ZFHX3: variants seen among roughly 807,000 people sequenced by gnomAD.
ZFHX3 encodes the protein zinc finger homeobox protein 3.
In ZFHX3, 42 loss-of-function variants were observed where a neutral mutation model predicts 279.1. That is an observed-to-expected ratio of 0.15 (90% CI 0.12 to 0.19). ZFHX3 has a LOEUF of 0.19. Ranked by LOEUF, ZFHX3 falls within the 10% of genes least tolerant of loss-of-function variation. The pLI is 1.00. For missense variants in ZFHX3, 4,981 were observed against 4,754.0 expected, an observed-to-expected ratio of 1.05 and a Z score of -1.40; for synonymous variants, 2,293 against 1,957.8, an observed-to-expected ratio of 1.17 and a Z score of -4.52.
rs2036451404 is a variant in ZFHX3, at chr16:72,811,634, C to T, written c.3807G>A (p.Leu1269=). The change falls in exon 7 of 10, where the codon CTG becomes CTA. Residue 1269 remains leucine, a synonymous_variant. Transcript: ENST00000268489. ...DMLNNKIHLQ[L]HLTHLHSVAP... is the part of the protein sequence containing the mutation. ...CCACGCTGTGGAGGTGGGTGAGGTGCAGCTGGAGGTGGATCTTGTTGTTGA... is the reference window on the plus strand; with the variant it reads ...CCACGCTGTGGAGGTGGGTGAGGTGTAGCTGGAGGTGGATCTTGTTGTTGA... 3 of 1,612,612 alleles carry T rather than the reference C, an allele frequency of 1.9e-6. No homozygotes were observed. In the South Asian group the frequency reaches 3.3e-5, roughly 18 times the overall value.
chr16:73,044,944 GCTCA>G (rs943832906), intron 1 of ZFHX3, among the ~76,000 whole-genome samples: 3 of 152,164 alleles, frequency 2.0e-5, no homozygotes, highest in African/African-American at 7.2e-5. Context: ...TATAAAGACA[GCTCA>G]CTTTCTTCCC....
chr16:73,611,761 G>A (rs1193689704), intron 2 of ZFHX3, among the ~76,000 whole-genome samples: 1 of 152,042 alleles, frequency 6.6e-6, no homozygotes, highest in African/African-American at 2.4e-5. Context: ...AACACTTAAA[G>A]CCAATTTAAT....
chr16:73,832,003 G>A lies in ZFHX3; in HGVS notation c.-1608+59648C>T, dbSNP rs538192392. ...GCAACCTCTGCCGCCCGGGTTCCAG[G>A]GATTCTCTTGCCTCAGCCTCCCGAG... is the stretch of plus-strand genomic sequence containing the variant. On this transcript the variant is annotated intron_variant, in intron 1 of 17. Coordinates refer to the ZFHX3 transcript ENST00000641206. Among the ~76,000 whole-genome samples the A allele has an allele frequency of 2.0e-5, 3 of 152,214 alleles. No individual in the cohort carries two copies. In the South Asian group the frequency reaches 6.2e-4, roughly 32 times the overall value.
At chr16:73,789,535 G>A (rs1211892090) in intron 1 of ZFHX3, among the ~76,000 whole-genome samples, 2 of 152,082 alleles carry the variant, frequency 1.3e-5, no homozygotes, top group Non-Finnish European at 2.9e-5. Flanking sequence ...TAATCTGTAG[G>A]TTCAAAACAC....
At chr16:73,049,322 T>C, upstream of ZFHX3, among the ~76,000 whole-genome samples, 1 of 152,252 alleles carries the variant, frequency 6.6e-6, no homozygotes, top group African/African-American at 2.4e-5. Context: ...GGAGAGTCTT[T>C]TCCTCGGGCA....
At chr16:73,126,248 C>T (rs1017030195) in intron 7 of ZFHX3, among the ~76,000 whole-genome samples, 1 of 152,052 alleles carries the variant, frequency 6.6e-6, no homozygotes, top group African/African-American at 2.4e-5. Context: ...GAAATTTATC[C>T]GTGTGCAAGG....
At chr16:73,637,292 G>T (rs1458215975) in intron 2 of ZFHX3, among the ~76,000 whole-genome samples, 1 of 150,196 alleles carries the variant, frequency 6.7e-6, no homozygotes, top group African/African-American at 2.5e-5. Flanking sequence ...AGTACAACGG[G>T]GTGATCTTGG....
Position 73,595,977 on chromosome 16 carries a change from TTTTTATTTTATTTTA to T in ZFHX3, c.-1547+84188_-1547+84202del, listed in dbSNP as rs61219527. Among the ~76,000 whole-genome samples, 277 of 135,478 alleles carry T rather than the reference TTTTTATTTTATTTTA, an allele frequency of 2.0e-3. 1 individual carries two copies. Among genetic ancestry groups the T allele is most frequent in the South Asian group, 8.2e-3 (32 of 3,924 alleles). The allele number at this position is 135,478 out of a possible 152,430, so 88.9% of individuals were successfully genotyped here. On this transcript the variant is annotated intron_variant, in intron 2 of 17. Coordinates refer to the ZFHX3 transcript ENST00000641206. ...TGTTTTCTCTCTCCCGACCATTACT[TTTTTATTTTATTTTA>T]TTTTATTTTATTTTATTTTATTTTA...
chr16:72,845,413 A>G (rs947917174), intron 4 of ZFHX3, among the ~76,000 whole-genome samples: 1 of 152,190 alleles, frequency 6.6e-6, no homozygotes, highest in Non-Finnish European at 1.5e-5. Context: ...GAAAGGCTCC[A>G]TAATGAAGTC....
intron 3 of ZFHX3, among the ~76,000 whole-genome samples, chr16:73,380,363 A>G (rs1033910921): frequency 6.6e-5 from 10 of 152,246 alleles, no homozygotes; most frequent in African/African-American, 2.4e-4. Context: ...GATTTTTTAA[A>G]GAGCTCAGTA....
intron 1 of ZFHX3, among the ~76,000 whole-genome samples, chr16:72,972,583 C>A (rs1029747526): frequency 6.6e-6 from 1 of 152,178 alleles, no homozygotes; most frequent in South Asian, 2.1e-4. Context: ...CAGCCCAGAG[C>A]ACAAGACTAG....
chr16:73,769,175 C>T (rs1420489912), intron 1 of ZFHX3, among the ~76,000 whole-genome samples: 1 of 152,074 alleles, frequency 6.6e-6, no homozygotes, highest in African/African-American at 2.4e-5. Context: ...GAATCTAAGA[C>T]CCATAGACAG....
chr16:72,859,747 C>A (rs1047769829), intron 4 of ZFHX3, among the ~76,000 whole-genome samples: 1 of 152,080 alleles, frequency 6.6e-6, no homozygotes, highest in African/African-American at 2.4e-5. Context: ...GGGGAGAATG[C>A]GGCAGGACAT....
chr16:73,004,184 T>TTTTTTTTTTG (rs1963615476), intron 1 of ZFHX3, among the ~76,000 whole-genome samples: 1 of 142,206 alleles, frequency 7.0e-6, no homozygotes, highest in Non-Finnish European at 1.5e-5. Flanking sequence ...TTTTTTTTTT[T>TTTTTTTTTTG]AAGTAGAGAC....
chr16:73,405,719 TA>T (rs1459658201), intron 3 of ZFHX3, among the ~76,000 whole-genome samples: 1 of 152,118 alleles, frequency 6.6e-6, no homozygotes, highest in Non-Finnish European at 1.5e-5. Flanking sequence ...TTATTAACCA[TA>T]AAAAAGACAT....
chr16:73,132,910 G>T (rs938477703), intron 6 of ZFHX3, among the ~76,000 whole-genome samples: 1 of 152,184 alleles, frequency 6.6e-6, no homozygotes, highest in Non-Finnish European at 1.5e-5. Context: ...TCTTCTCCTG[G>T]TCGGTTTGGC....
At chr16:73,064,469 G>T (rs1256783491), upstream of ZFHX3, among the ~76,000 whole-genome samples, 1 of 151,604 alleles carries the variant, frequency 6.6e-6, no homozygotes, top group African/African-American at 2.4e-5. Flanking sequence ...CTCAAATCTA[G>T]AGAGGTTTCA....
At chr16:73,192,455 G>T (rs144927035) in intron 5 of ZFHX3, among the ~76,000 whole-genome samples, 1 of 152,134 alleles carries the variant, frequency 6.6e-6, no homozygotes, top group African/African-American at 2.4e-5. Flanking sequence ...AGCGGCCCTG[G>T]TGTTAATTTC....
intron 3 of ZFHX3, among the ~76,000 whole-genome samples, chr16:73,349,538 G>A (rs920968558): frequency 9.2e-5 from 14 of 152,118 alleles, no homozygotes; most frequent in African/African-American, 3.1e-4. Flanking sequence ...GAGTACAGAT[G>A]TTATCAGTTT....
Sources: gnomAD v4.1 joint callset for allele counts (sites outside exome capture counted in the v4.1 genomes callset) on GRCh38, gnomAD v4.1.1 for gene constraint, MANE v1.5 for transcripts, NCBI Gene and HGNC (gene_info 2026-07-23, HGNC 2026-07-21) for gene names.